The following PIK3C2G variants were observed in gnomAD, a reference collection of about 807,000 sequenced individuals.
PIK3C2G encodes phosphatidylinositol-4-phosphate 3-kinase catalytic subunit type 2 gamma.
Under a neutral mutation model 181.1 loss-of-function variants are expected in PIK3C2G, and 168 were observed. The ratio of observed to expected loss-of-function variants is 0.93; its 90% confidence interval spans 0.82 to 1.05. The LOEUF (loss-of-function observed/expected upper bound fraction) is 1.05, where lower values mean the gene tolerates loss of function less well. Among genes scored for constraint, PIK3C2G ranks in the 50% least tolerant of loss-of-function variants. The probability of loss-of-function intolerance (pLI) is 0.00; values close to 1 mark genes in which losing one functional copy is unlikely to be tolerated. For missense variants in PIK3C2G, 1,869 were observed against 1,732.8 expected, an observed-to-expected ratio of 1.08 and a Z score of -1.40; for synonymous variants, 573 against 592.2, an observed-to-expected ratio of 0.97 and a Z score of 0.47.
At chr12:18,289,231 G>T (rs1428827733) in intron 3 of PIK3C2G, among the ~76,000 whole-genome samples, 1 of 151,940 alleles carries the variant, frequency 6.6e-6, no homozygotes, top group Non-Finnish European at 1.5e-5. Context: ...CCAAAACTTT[G>T]ATTTCTCATT....
chr12:18,704,154 T>C, the PIK3C2G span, among the ~76,000 whole-genome samples: 1 of 152,096 alleles, frequency 6.6e-6, no homozygotes, highest in Non-Finnish European at 1.5e-5. Flanking sequence ...TGAATGTTAA[T>C]GAGAGGACAA....
At chr12:18,420,761 C>T (rs1016010868) in intron 16 of PIK3C2G, among the ~76,000 whole-genome samples, 180 bp from the exon 17 acceptor site, 3 of 151,960 alleles carry the variant, frequency 2.0e-5, no homozygotes, top group African/African-American at 7.2e-5. Flanking sequence ...GTAGTCCACA[C>T]GAGAGTATAG....
chr12:18,570,066 A>G (rs1945844087), intron 29 of PIK3C2G, among the ~76,000 whole-genome samples: 2 of 152,182 alleles, frequency 1.3e-5, no homozygotes, highest in Admixed American at 1.3e-4. Context: ...AAATGTATCA[A>G]TATTTTCTTA....
chr12:18,707,802 G>A, the PIK3C2G span, among the ~76,000 whole-genome samples: 1 of 152,238 alleles, frequency 6.6e-6, no homozygotes, highest in East Asian at 1.9e-4. Flanking sequence ...GTTCAGCTGG[G>A]AAGTCTCATT....
intron 7 of PIK3C2G, among the ~76,000 whole-genome samples, chr12:18,322,874 A>G (rs1951172055): frequency 6.6e-6 from 1 of 152,214 alleles, no homozygotes; most frequent in African/African-American, 2.4e-5. Context: ...ATAACATACA[A>G]ACAAGGTCTG....
intron 14 of PIK3C2G, among the ~76,000 whole-genome samples, chr12:18,388,635 C>A (rs1052692119): frequency 2.0e-5 from 3 of 152,166 alleles, no homozygotes; most frequent in Non-Finnish European, 4.4e-5. Context: ...AATAATCTGA[C>A]AGAATCATGG....
the PIK3C2G span, among the ~76,000 whole-genome samples, chr12:18,686,628 A>G: frequency 2.0e-5 from 3 of 152,056 alleles, no homozygotes; most frequent in Non-Finnish European, 4.4e-5. Context: ...TCATTCTCCA[A>G]GAACCATCTC....
At chr12:18,685,778 A>G in the PIK3C2G span, 1 of 365,942 alleles carries the variant, frequency 2.7e-6, no homozygotes, top group Non-Finnish European at 5.7e-6. Context: ...ATCCTACTTC[A>G]TTACACATGT....
chr12:18,498,153 A>G (rs1941164438), intron 22 of PIK3C2G, among the ~76,000 whole-genome samples: 1 of 152,220 alleles, frequency 6.6e-6, no homozygotes. Context: ...TGGAAATCCT[A>G]AACACATTAT....
At chr12:18,550,704 G>T (rs895327339) in intron 26 of PIK3C2G, among the ~76,000 whole-genome samples, 1 of 151,866 alleles carries the variant, frequency 6.6e-6, no homozygotes, top group Admixed American at 6.6e-5. Context: ...AGTATTTTAT[G>T]CCACTGTTTA....
At chr12:18,344,923 C>G (rs1014632747) in intron 10 of PIK3C2G, among the ~76,000 whole-genome samples, 3 of 152,140 alleles carry the variant, frequency 2.0e-5, no homozygotes, top group African/African-American at 7.2e-5. Flanking sequence ...GCATACATCT[C>G]TATGCAAACT....
In PIK3C2G at chr12:18,276,075, C is replaced by CTT. The variant is rs1292414672; in HGVS notation, c.-78-5928_-78-5927dup. On this transcript the variant is annotated intron_variant, in intron 1 of 32. Coordinates refer to ENST00000538779, the MANE Select transcript of PIK3C2G (RefSeq NM_001288772.2). Reference sequence around the variant, plus strand: ...TAGACAAAGAAAACAGCAGCTACATCTTCTGATCAGTAAGCGTTCTCATTG... The same window carrying CTT: ...TAGACAAAGAAAACAGCAGCTACATCTTTTCTGATCAGTAAGCGTTCTCATTG... 1.1e-4 allele frequency among the ~76,000 whole-genome samples: 17 copies of CTT among 152,322 alleles called. No individual in the cohort carries two copies. In the East Asian group the frequency reaches 2.9e-3, roughly 26 times the overall value.
In PIK3C2G at chr12:18,438,051, A is replaced by T. The variant is rs984782736; in HGVS notation, c.2504+14012A>T. 3.3e-5 allele frequency among the ~76,000 whole-genome samples: 5 copies of T among 152,068 alleles called. No individual in the cohort carries two copies. In the South Asian group the frequency reaches 8.3e-4, roughly 25 times the overall value. ...TGGATTAAGCAATATGTGTTTTTTT[A>T]AAGTATTCTAGCTATTTCAGGCAGC... On this transcript the variant is annotated intron_variant, in intron 18 of 32. Transcript: ENST00000538779.
At chr12:18,393,505 C>T (rs1943668701) in intron 15 of PIK3C2G, among the ~76,000 whole-genome samples, 2 of 151,606 alleles carry the variant, frequency 1.3e-5, no homozygotes, top group African/African-American at 4.9e-5. Flanking sequence ...GAAAATATGC[C>T]TGTGATATTT....
At chr12:18,602,558 T>G (rs73068393) in intron 30 of PIK3C2G, among the ~76,000 whole-genome samples, 4,506 of 152,000 alleles carry the variant, frequency 0.03, 74 homozygotes, top group Middle Eastern at 0.065. Flanking sequence ...CTCCACCTCC[T>G]GACAGGAGGC....
intron 29 of PIK3C2G, among the ~76,000 whole-genome samples, chr12:18,576,231 G>A (rs1165854892): frequency 2.0e-5 from 3 of 152,126 alleles, no homozygotes; most frequent in Non-Finnish European, 4.4e-5. Flanking sequence ...CCACATGAAG[G>A]TCATGACAGA....
intron 11 of PIK3C2G, among the ~76,000 whole-genome samples, chr12:18,350,255 T>G (rs1293932298): frequency 2.6e-5 from 4 of 152,084 alleles, no homozygotes; most frequent in Non-Finnish European, 4.4e-5. Flanking sequence ...TTCAGCAGAA[T>G]CATATTGTTA....
chr12:18,412,209 G>A (rs1273442292), intron 16 of PIK3C2G, among the ~76,000 whole-genome samples: 2 of 152,104 alleles, frequency 1.3e-5, no homozygotes, highest in African/African-American at 2.4e-5. Context: ...AGAAAACACA[G>A]GCTGAGAAAC....
At chr12:18,542,700 G>A (rs963305479) in intron 25 of PIK3C2G, among the ~76,000 whole-genome samples, 1 of 151,796 alleles carries the variant, frequency 6.6e-6, no homozygotes, top group Non-Finnish European at 1.5e-5. Flanking sequence ...AAGGATAATA[G>A]CCTCCAGCTC....
Sources: gnomAD v4.1 joint callset for allele counts (sites outside exome capture counted in the v4.1 genomes callset) on GRCh38, gnomAD v4.1.1 for gene constraint, MANE v1.5 for transcripts, NCBI Gene and HGNC (gene_info 2026-07-23, HGNC 2026-07-21) for gene names.